Variants in NMNAT3 observed in about 807,000 individuals in gnomAD.
The protein encoded by NMNAT3 is nicotinamide nucleotide adenylyltransferase 3, also known as nicotinamide/nicotinic acid mononucleotide adenylyltransferase 3.
Under a neutral mutation model 24.8 loss-of-function variants are expected in NMNAT3, and 21 were observed. The ratio of observed to expected loss-of-function variants is 0.85; its 90% CI spans 0.60 to 1.22. The LOEUF (loss-of-function observed/expected upper bound fraction) is 1.22, where lower values mean the gene tolerates loss of function less well. Among genes scored for constraint, NMNAT3 ranks in the 50% most tolerant of loss-of-function variants. NMNAT3 has a pLI of 0.00. For synonymous variants in NMNAT3, 136 were observed against 155.2 expected (o/e 0.88, Z 0.92); for missense variants, 387 against 436.6 (o/e 0.89, Z 1.01).
At chr3:139,621,825 T>C (rs1354418901) in intron 3 of NMNAT3, among the ~76,000 whole-genome samples, 4 of 152,262 alleles carry the variant, frequency 2.6e-5, no homozygotes, top group Admixed American at 6.5e-5. Flanking sequence ...CTTCCACATA[T>C]AAGTGAGATC....
At chr3:139,640,401 C>G (rs980798161) in intron 1 of NMNAT3, among the ~76,000 whole-genome samples, 2 of 152,178 alleles carry the variant, frequency 1.3e-5, no homozygotes, top group African/African-American at 4.8e-5. Flanking sequence ...CTATGCTACT[C>G]AGCCTTGTCC....
At chr3:139,626,037 C>G (rs1344772938) in intron 3 of NMNAT3, among the ~76,000 whole-genome samples, 1 of 151,894 alleles carries the variant, frequency 6.6e-6, no homozygotes, top group Non-Finnish European at 1.5e-5. Context: ...TATTTTTGTT[C>G]TGTGGTTGCT....
chr3:139,637,251 T>A (rs547199881), intron 2 of NMNAT3: 1 of 152,338 alleles, frequency 6.6e-6, no homozygotes, highest in African/African-American at 2.4e-5. Context: ...AGTTGAGGGC[T>A]CTGCTCTGTG....
At chr3:139,601,686 C>T (rs1190838439) in intron 3 of NMNAT3, among the ~76,000 whole-genome samples, 1 of 152,178 alleles carries the variant, frequency 6.6e-6, no homozygotes, top group Non-Finnish European at 1.5e-5. Flanking sequence ...GAGCCCTGCT[C>T]TCACAGGATG....
At chr3:139,649,937 A>G (rs2057001012) in intron 1 of NMNAT3, among the ~76,000 whole-genome samples, 1 of 152,240 alleles carries the variant, frequency 6.6e-6, no homozygotes, top group African/African-American at 2.4e-5. Context: ...TTTAGGGGCC[A>G]TGAAGAGATG....
intron 3 of NMNAT3, among the ~76,000 whole-genome samples, chr3:139,603,806 C>T (rs1485066616): frequency 1.4e-5 from 2 of 138,904 alleles, no homozygotes; most frequent in African/African-American, 3.5e-5. Context: ...GCAAACATCA[C>T]CACTACTGCT....
intron 3 of NMNAT3, among the ~76,000 whole-genome samples, chr3:139,612,463 C>T (rs2055270974): frequency 6.6e-6 from 1 of 152,258 alleles, no homozygotes; most frequent in Non-Finnish European, 1.5e-5. Flanking sequence ...GTATGCTGGA[C>T]CAGGCTGCAG....
chr3:139,662,928 T>C (rs2057463292), intron 1 of NMNAT3, among the ~76,000 whole-genome samples: 1 of 152,256 alleles, frequency 6.6e-6, no homozygotes, highest in African/African-American at 2.4e-5. Flanking sequence ...TTTCCCTGAC[T>C]GTAAATGCCA....
chr3:139,561,001 C>A lies in NMNAT3; in HGVS notation c.*9G>T, dbSNP rs370526937. On this transcript the variant is annotated 3_prime_UTR_variant, in exon 7 of 7. Transcript: ENST00000643695. ...GTTGGAGGAGGTGTGGGTGCTGAGT[C>A]CCCCCTCCCTAGCTTGTCTTGCCCT... 11 of 1,603,314 alleles carry A rather than the reference C, an allele frequency of 6.9e-6. No individual in the cohort carries two copies. In the East Asian group the frequency reaches 9.0e-5, roughly 13 times the overall value.
chr3:139,561,250 T>G lies in NMNAT3; in HGVS notation c.801A>C (p.Lys267Asn), dbSNP rs1393048498. ...GGATGGGAGATTCTGCGATGTAACC[T>G]TTTGGGTCGTGACCTACTCGGCCCA... The change falls in exon 7 of 7, where the codon AAA (lysine) becomes AAC (asparagine). Residue 267 changes from lysine (K) to asparagine (N), a missense_variant. Around this residue, in one of 3 missense-constraint regions of NMNAT3, gnomAD observed 323 missense variants for 345.2 expected, o/e 0.94. Transcript: ENST00000643695. 1.9e-6 allele frequency: 3 copies of G among 1,614,038 alleles called. No homozygotes were observed. The highest frequency in any genetic ancestry group is 2.5e-6 in the Non-Finnish European group (3 of 1,179,966).
At chr3:139,626,497 A>G (rs1309296566) in intron 3 of NMNAT3, among the ~76,000 whole-genome samples, 1 of 152,086 alleles carries the variant, frequency 6.6e-6, no homozygotes, top group Non-Finnish European at 1.5e-5. Flanking sequence ...TTGAATATAT[A>G]GCACATAATT....
At chr3:139,567,090 G>A (rs1415879322) in intron 6 of NMNAT3, 8 of 152,046 alleles carry the variant, frequency 5.3e-5, no homozygotes, top group South Asian at 2.1e-4. Flanking sequence ...TCCCTTGTAA[G>A]TTGGATTCCT....
intron 1 of NMNAT3, among the ~76,000 whole-genome samples, chr3:139,642,219 G>T (rs2056729148): frequency 6.6e-6 from 1 of 152,156 alleles, no homozygotes; most frequent in South Asian, 2.1e-4. Flanking sequence ...TATATAAACT[G>T]CTAAAATATC....
intron 6 of NMNAT3, among the ~76,000 whole-genome samples, chr3:139,561,985 T>A (rs1936466472): frequency 6.6e-6 from 1 of 151,690 alleles, no homozygotes; most frequent in Admixed American, 6.6e-5. Context: ...AGAACAATGC[T>A]TAATGTGGAT....
At chr3:139,665,673 A>G (rs1181971609) in intron 1 of NMNAT3, among the ~76,000 whole-genome samples, 1 of 151,644 alleles carries the variant, frequency 6.6e-6, no homozygotes, top group Non-Finnish European at 1.5e-5. Flanking sequence ...ATAGAAAACT[A>G]ATTTAGTGAT....
intron 3 of NMNAT3, among the ~76,000 whole-genome samples, chr3:139,594,420 C>T (rs954715235): frequency 8.5e-5 from 13 of 152,234 alleles, no homozygotes; most frequent in East Asian, 1.9e-4. Context: ...TGAAACTATT[C>T]CAATCAATAG....
At chr3:139,561,421 G>A in intron 6 of NMNAT3, 29 bp from the exon 7 acceptor site, 1 of 1,589,918 alleles carries the variant, frequency 6.3e-7, no homozygotes, top group Non-Finnish European at 8.6e-7. Context: ...ACCCAGTAAA[G>A]TTAGAGAGAG....
chr3:139,599,045 A>G, intron 3 of NMNAT3: 1 of 426,562 alleles, frequency 2.3e-6, no homozygotes, highest in Non-Finnish European at 4.1e-6. Context: ...CTGGGCCTCA[A>G]TAAAATGTTA....
intron 2 of NMNAT3, among the ~76,000 whole-genome samples, chr3:139,629,127 T>C (rs912869684): frequency 2.6e-5 from 4 of 152,194 alleles, no homozygotes; most frequent in African/African-American, 9.6e-5. Context: ...TGAGATAAGG[T>C]TACCAAAGGC....
Sources: allele counts gnomAD v4.1 joint callset (sites outside exome capture counted in the v4.1 genomes callset), GRCh38; gene constraint gnomAD v4.1.1; regional missense constraint gnomAD v4.1.1; transcripts MANE v1.5; gene names NCBI Gene and HGNC (gene_info 2026-07-23, HGNC 2026-07-21).